Variants in ZNF92 observed in about 807,000 individuals in gnomAD.
The protein encoded by ZNF92 is zinc finger protein 92.
A neutral mutation model predicts 12.4 loss-of-function variants in ZNF92; 11 were observed. That is an observed-to-expected ratio of 0.89 (90% CI 0.56 to 1.47). The LOEUF is 1.47. Among genes scored for constraint, ZNF92 ranks in the 40% most tolerant of loss-of-function variants. The pLI, the probability that ZNF92 is intolerant of heterozygous loss-of-function variation, is 0.00. For synonymous variants in ZNF92, 206 were observed against 228.6 expected, an observed-to-expected ratio of 0.90 and a Z score of 0.89; for missense variants, 622 against 681.0, an observed-to-expected ratio of 0.91 and a Z score of 0.96.
intron 1 of ZNF92, among the ~76,000 whole-genome samples, chr7:65,378,538 C>T (rs1011029430): frequency 6.6e-6 from 1 of 151,610 alleles, no homozygotes; most frequent in Admixed American, 6.6e-5. Flanking sequence ...GTCAGAAGAC[C>T]GAGACCATCC....
At chr7:65,390,712 G>C (rs1370099717) in intron 3 of ZNF92, among the ~76,000 whole-genome samples, 1 of 152,082 alleles carries the variant, frequency 6.6e-6, no homozygotes, top group Non-Finnish European at 1.5e-5. Flanking sequence ...CTGAGTACCA[G>C]AGAGGATTTC....
At chr7:65,388,588 A>C (rs1484885085) in intron 2 of ZNF92, among the ~76,000 whole-genome samples, 5 of 151,924 alleles carry the variant, frequency 3.3e-5, no homozygotes, top group Non-Finnish European at 7.4e-5. Flanking sequence ...CAGTGAGCTG[A>C]GATCGTGCCA....
intron 2 of ZNF92, 110 bp from the exon 3 acceptor site, chr7:65,388,696 G>A: frequency 4.9e-6 from 4 of 815,424 alleles, no homozygotes; most frequent in Non-Finnish European, 7.2e-6. Flanking sequence ...TTAGTATTTG[G>A]GGATTAATTT....
intron 1 of ZNF92, among the ~76,000 whole-genome samples, chr7:65,385,496 G>T (rs1219662147): frequency 6.6e-6 from 1 of 152,126 alleles, no homozygotes; most frequent in Admixed American, 6.6e-5. Context: ...CTAAAGGGTG[G>T]TCACAAGGCC....
chr7:65,374,174 G>A (rs554155571), intron 1 of ZNF92, among the ~76,000 whole-genome samples, 174 bp downstream of exon 1: 2 of 152,220 alleles, frequency 1.3e-5, no homozygotes. Context: ...TGGCGGCTGG[G>A]CTGACAGCCG....
intron 3 of ZNF92, among the ~76,000 whole-genome samples, chr7:65,394,314 C>A (rs745867978): frequency 0.023 from 3,569 of 152,058 alleles, 65 homozygotes; most frequent in Middle Eastern, 0.045. Context: ...GACTATCTTT[C>A]CTCTATTGTG....
intron 3 of ZNF92, among the ~76,000 whole-genome samples, chr7:65,390,557 G>C (rs1471808580): frequency 6.6e-6 from 1 of 151,798 alleles, no homozygotes; most frequent in African/African-American, 2.4e-5. Context: ...AAGGGGCTTG[G>C]GTATTTGTAA....
At chr7:65,381,428 A>C (rs1314303298) in intron 1 of ZNF92, among the ~76,000 whole-genome samples, 1 of 152,036 alleles carries the variant, frequency 6.6e-6, no homozygotes, top group Non-Finnish European at 1.5e-5. Context: ...CCTTTGTCAG[A>C]AGCATAGTTT....
At chr7:65,391,348 A>G (rs1793704471) in intron 3 of ZNF92, among the ~76,000 whole-genome samples, 1 of 151,464 alleles carries the variant, frequency 6.6e-6, no homozygotes, top group African/African-American at 2.4e-5. Flanking sequence ...TCCTGATGTC[A>G]CTCTTCCTAT....
At chr7:65,383,914 G>A (rs1435034381) in intron 1 of ZNF92, among the ~76,000 whole-genome samples, 3 of 152,096 alleles carry the variant, frequency 2.0e-5, no homozygotes, top group African/African-American at 7.2e-5. Context: ...GATGTCCAGA[G>A]TAAAACTGTG....
At chr7:65,374,368 G>A (rs73359060) in intron 1 of ZNF92, among the ~76,000 whole-genome samples, 4 of 152,146 alleles carry the variant, frequency 2.6e-5, no homozygotes, top group Non-Finnish European at 4.4e-5. Context: ...GCTTTGGTCC[G>A]TGTGGTTCTC....
chr7:65,388,561 C>T (rs1793631253), intron 2 of ZNF92, among the ~76,000 whole-genome samples: 2 of 151,720 alleles, frequency 1.3e-5, no homozygotes. Flanking sequence ...TCGCTTGAAC[C>T]CGGGAGGCAG....
At chr7:65,379,488 G>C (rs979834443) in intron 1 of ZNF92, among the ~76,000 whole-genome samples, 1 of 151,984 alleles carries the variant, frequency 6.6e-6, no homozygotes, top group Admixed American at 6.6e-5. Flanking sequence ...AAACTTAGAG[G>C]AAAGAAGCTC....
chr7:65,381,734 G>A (rs1793425426), intron 1 of ZNF92, among the ~76,000 whole-genome samples: 1 of 152,078 alleles, frequency 6.6e-6, no homozygotes, highest in South Asian at 2.1e-4. Context: ...AGGGAGTCCA[G>A]TTTTAATCTT....
At chr7:65,384,010 C>T (rs118124342) in intron 1 of ZNF92, among the ~76,000 whole-genome samples, 2,093 of 152,006 alleles carry the variant, frequency 0.014, 31 homozygotes, top group Non-Finnish European at 0.023. Context: ...TCATTTGGGC[C>T]GCTTCTTTAT....
intron 1 of ZNF92, among the ~76,000 whole-genome samples, chr7:65,385,875 T>C (rs908508289): frequency 7.2e-5 from 11 of 152,006 alleles, no homozygotes; most frequent in African/African-American, 2.7e-4. Context: ...TAAAAGTGTC[T>C]CAGATCAAGA....
chr7:65,384,815 A>T (rs1490616986), intron 1 of ZNF92, among the ~76,000 whole-genome samples: 2 of 152,116 alleles, frequency 1.3e-5, no homozygotes, highest in African/African-American at 4.8e-5. Flanking sequence ...ACCAACTCCC[A>T]GGGTGTTACG....
At chr7:65,384,102 CTTG>C (rs750261949) in intron 1 of ZNF92, among the ~76,000 whole-genome samples, 9 of 151,796 alleles carry the variant, frequency 5.9e-5, no homozygotes, top group Admixed American at 4.6e-4. Context: ...TTTCTTTTAC[CTTG>C]TTAAGAATAC....
rs1375547974 is a variant in ZNF92, at chr7:65,399,218, C to T, written c.1104C>T (p.Pro368=). Residue 368 remains proline (P), a synonymous_variant, in exon 4 of 4, where the codon CCC becomes CCT. Coordinates refer to ENST00000328747, the MANE Select transcript of ZNF92 (RefSeq NM_152626.4). ...KHKIIHTGEK[P]YKCDECGKAF... ...AGATAATTCATACTGGAGAGAAACC[C>T]TACAAATGTGATGAATGTGGCAAAG... 1 of 1,612,806 alleles carries T rather than the reference C, an allele frequency of 6.2e-7. No individual in the cohort carries two copies.
Sources: gnomAD v4.1 joint callset for allele counts (sites outside exome capture counted in the v4.1 genomes callset) on GRCh38, gnomAD v4.1.1 for gene constraint, MANE v1.5 for transcripts, NCBI Gene and HGNC (gene_info 2026-07-23, HGNC 2026-07-21) for gene names.